Variants in UBE2U observed in about 807,000 individuals in gnomAD.
UBE2U encodes the protein ubiquitin-conjugating enzyme E2 U.
UBE2U carries 39 observed loss-of-function variants against 41.2 expected under a neutral mutation model. The observed-to-expected ratio is 0.95, with a 90% CI of 0.73 to 1.24. The LOEUF is 1.24. Ranked by LOEUF, UBE2U falls within the 50% of genes most tolerant of loss-of-function variation. The pLI is 0.00. For synonymous variants in UBE2U, 107 were observed against 117.8 expected, an observed-to-expected ratio of 0.91 and a Z score of 0.60; for missense variants, 336 against 363.1, an observed-to-expected ratio of 0.93 and a Z score of 0.61.
chr1:64,266,150 A>ATGCTG (rs1645251461), intron 9 of UBE2U, among the ~76,000 whole-genome samples: 1 of 152,212 alleles, frequency 6.6e-6, no homozygotes, highest in Non-Finnish European at 1.5e-5. Context: ...CAAGGTCCCC[A>ATGCTG]TGCTGTGTAG....
In UBE2U at chr1:64,239,166, GAAGAAGAAGAAGAAGAAGAAGAAGAAA is replaced by G. The variant is rs1557731205; in HGVS notation, c.596-2485_596-2459del. On this transcript the variant is annotated intron_variant, in intron 7 of 9. Coordinates refer to ENST00000371077, the MANE Select transcript of UBE2U (RefSeq NM_001366232.2). ...GAAGAAGAAGAAGAAGAAAGAAGAAGAAGAAGAAGAAGAAGAAGAAGAAGAAAGCCCCAGACAAGGACAAGACTGGTG... is the reference window on the plus strand; with the variant it reads ...GAAGAAGAAGAAGAAGAAAGAAGAAGGCCCCAGACAAGGACAAGACTGGTG... Among the ~76,000 whole-genome samples, 22 of 84,734 alleles carry G rather than the reference GAAGAAGAAGAAGAAGAAGAAGAAGAAA, an allele frequency of 2.6e-4. No homozygotes were observed. The East Asian group carries it at 0.01, about 39-fold the overall frequency. The allele number at this position is 84,734 out of a possible 152,430, so 55.6% of individuals were successfully genotyped here. A position where few individuals can be genotyped will look rare whatever the true frequency, so the allele number is the denominator to read the frequency against.
chr1:64,239,005 G>A (rs1433915321), intron 7 of UBE2U, among the ~76,000 whole-genome samples: 1 of 150,738 alleles, frequency 6.6e-6, no homozygotes, highest in Non-Finnish European at 1.5e-5. Flanking sequence ...TCATGCCACT[G>A]CACTCCAGCC....
chr1:64,234,338 T>A (rs1644626892), intron 7 of UBE2U, among the ~76,000 whole-genome samples: 2 of 152,206 alleles, frequency 1.3e-5, no homozygotes, highest in South Asian at 4.1e-4. Flanking sequence ...GTTTCCTACA[T>A]CTCTTTATCT....
At chr1:64,221,486 C>T (rs995459783) in intron 6 of UBE2U, among the ~76,000 whole-genome samples, 12 of 152,056 alleles carry the variant, frequency 7.9e-5, no homozygotes, top group African/African-American at 2.9e-4. Context: ...CATTATAGAT[C>T]ACAAAAATTC....
At chr1:64,237,472 C>T (rs761798929) in intron 7 of UBE2U, among the ~76,000 whole-genome samples, 2 of 152,146 alleles carry the variant, frequency 1.3e-5, no homozygotes, top group African/African-American at 2.4e-5. Context: ...GGAATTTCAA[C>T]GTGCAAAACT....
chr1:64,241,119 C>A (rs931043920), intron 7 of UBE2U, among the ~76,000 whole-genome samples: 1 of 152,172 alleles, frequency 6.6e-6, no homozygotes, highest in Non-Finnish European at 1.5e-5. Context: ...GATTGGTTAA[C>A]ATAAGGCACT....
intron 6 of UBE2U, among the ~76,000 whole-genome samples, chr1:64,223,477 T>C (rs1652634651): frequency 6.6e-6 from 1 of 152,154 alleles, no homozygotes; most frequent in Non-Finnish European, 1.5e-5. Flanking sequence ...AAATGAGTCA[T>C]ATTTAGCAGA....
intron 6 of UBE2U, among the ~76,000 whole-genome samples, chr1:64,222,250 A>G (rs1312972110): frequency 4.6e-5 from 7 of 152,224 alleles, no homozygotes; most frequent in Non-Finnish European, 1.5e-5. Flanking sequence ...GTGGTTGACC[A>G]TCCTGGCATA....
At chr1:64,239,129 GAAGAAGAAGAAGAAGAAGAAGAA>G (rs1644754739) in intron 7 of UBE2U, among the ~76,000 whole-genome samples, 4 of 26,272 alleles carry the variant, frequency 1.5e-4, no homozygotes, top group African/African-American at 8.1e-4. Flanking sequence ...AGAAGAAGAA[GAAGAAGAAGAAGAAGAAGAAGAA>G]GAAGAAAGAA....
intron 8 of UBE2U, among the ~76,000 whole-genome samples, chr1:64,246,721 A>G (rs1449804516): frequency 6.6e-6 from 1 of 152,188 alleles, no homozygotes; most frequent in African/African-American, 2.4e-5. Flanking sequence ...AATAGCTCTA[A>G]TCTTCTTCAG....
At chr1:64,263,134 C>T (rs942917527) in intron 9 of UBE2U, among the ~76,000 whole-genome samples, 8 of 152,166 alleles carry the variant, frequency 5.3e-5, no homozygotes, top group African/African-American at 1.7e-4. Flanking sequence ...AGTGCTGAGC[C>T]TTGTCCTCTT....
At chr1:64,259,256 C>T (rs917734572) in intron 8 of UBE2U, among the ~76,000 whole-genome samples, 9 of 152,224 alleles carry the variant, frequency 5.9e-5, no homozygotes, top group Admixed American at 5.9e-4. Flanking sequence ...CAAAAATGTT[C>T]TCCCATTCTG....
chr1:64,206,838 A>T lies in UBE2U; in HGVS notation c.223A>T (p.Ile75Phe). ...TCCTCCAGTTGTGAAATTTATAACA[A>T]TTCCGTTTCATCCAAATGGTAAGAA... ...YAPPVVKFIT[I>F]PFHPNVDPHT... is the part of the protein sequence containing the mutation. Residue 75 changes from isoleucine (I) to phenylalanine (F), a missense_variant, in exon 3 of 10, where the codon ATT (isoleucine) becomes TTT (phenylalanine). Transcript: ENST00000371077. The T allele has an allele frequency of 1.3e-6, 2 of 1,595,996 alleles. No homozygotes were observed. Among genetic ancestry groups the T allele is most frequent in the Non-Finnish European group, 1.7e-6 (2 of 1,165,578 alleles).
At chr1:64,244,215 T>C (rs1644883078) in intron 8 of UBE2U, 14 of 1,573,702 alleles carry the variant, frequency 8.9e-6, no homozygotes, top group Non-Finnish European at 1.2e-5. Context: ...TTAACCACTC[T>C]GAACTTGTTT....
At chr1:64,239,175 G>GAAGAAGAAGAAGAAGAAGAAGAAGAA (rs1644781698) in intron 7 of UBE2U, among the ~76,000 whole-genome samples, 8 of 95,406 alleles carry the variant, frequency 8.4e-5, no homozygotes, top group African/African-American at 3.3e-4. Context: ...AGAAGAAGAA[G>GAAGAAGAAGAAGAAGAAGAAGAAGAA]AAGAAGAAGA....
intron 4 of UBE2U, among the ~76,000 whole-genome samples, chr1:64,212,284 T>G (rs1000517812): frequency 1.3e-5 from 2 of 152,168 alleles, no homozygotes; most frequent in African/African-American, 4.8e-5. Context: ...GCCCTAAGAA[T>G]AGCAAAATGA....
At chr1:64,232,177 C>G (rs747927381) in intron 6 of UBE2U, among the ~76,000 whole-genome samples, 14 of 152,134 alleles carry the variant, frequency 9.2e-5, no homozygotes, top group Non-Finnish European at 1.5e-4. Flanking sequence ...TAGAATTTGG[C>G]ATTGAAGTTC....
chr1:64,232,535 C>A, intron 6 of UBE2U, 26 bp from the exon 7 acceptor site: 1 of 1,554,090 alleles, frequency 6.4e-7, no homozygotes, highest in Non-Finnish European at 8.9e-7. Flanking sequence ...AACTGCCCAT[C>A]GTCTGATTTT....
chr1:64,211,936 C>T (rs1486410735), intron 4 of UBE2U, among the ~76,000 whole-genome samples: 1 of 152,130 alleles, frequency 6.6e-6, no homozygotes, highest in Non-Finnish European at 1.5e-5. Context: ...ATAAAATACT[C>T]TGGCATAATT....
Sources: gnomAD v4.1 joint callset for allele counts (sites outside exome capture counted in the v4.1 genomes callset) on GRCh38, gnomAD v4.1.1 for gene constraint, MANE v1.5 for transcripts, NCBI Gene and HGNC (gene_info 2026-07-23, HGNC 2026-07-21) for gene names.